Variants in SLC4A1AP observed in about 807,000 individuals in gnomAD.
SLC4A1AP encodes kanadaptin.
In SLC4A1AP, 64 loss-of-function variants were observed where a neutral mutation model predicts 89.7. That is an observed-to-expected ratio of 0.71 (90% CI 0.58 to 0.88). The LOEUF is 0.88. Ranked by LOEUF, SLC4A1AP falls within the 40% of genes least tolerant of loss-of-function variation. SLC4A1AP has a pLI of 0.00. For missense variants in SLC4A1AP, 931 were observed against 965.0 expected (o/e 0.96, Z 0.47); for synonymous variants, 366 against 353.3 (o/e 1.04, Z -0.40).
At chr2:27,677,440 A>G in intron 7 of SLC4A1AP, 76 bp downstream of exon 7, 1 of 974,116 alleles carries the variant, frequency 1.0e-6, no homozygotes, top group Non-Finnish European at 1.6e-6. Context: ...ACATTAGTTA[A>G]TAAGAAATAC....
chr2:27,663,972 T>G, exon 1 of SLC4A1AP: 1 of 1,614,190 alleles, frequency 6.2e-7, no homozygotes, highest in Non-Finnish European at 8.5e-7. Flanking sequence ...CAGTGGGGAC[T>G]TCAAGAAGCC....
intron 9 of SLC4A1AP, among the ~76,000 whole-genome samples, chr2:27,684,691 A>G (rs1449909699): frequency 2.0e-5 from 3 of 152,218 alleles, no homozygotes; most frequent in Admixed American, 6.5e-5. Context: ...TTTATTCCTT[A>G]GAAGATTTTG....
intron 5 of SLC4A1AP, among the ~76,000 whole-genome samples, chr2:27,670,467 T>A (rs1675403597): frequency 6.6e-6 from 1 of 152,166 alleles, no homozygotes; most frequent in African/African-American, 2.4e-5. Flanking sequence ...AAAAGGCTTA[T>A]AATAAAATAT....
chr2:27,664,386 GT>G lies in SLC4A1AP; in HGVS notation c.635del (p.Val212GlyfsTer76). The G allele has an allele frequency of 6.2e-7, 1 of 1,614,252 alleles. No homozygotes were observed. On this transcript the variant is annotated frameshift_variant, in exon 1 of 14. Coordinates refer to ENST00000613058, the Ensembl canonical transcript of SLC4A1AP. LOFTEE classifies it high-confidence loss of function. ...CCCTTCGGTGTCTCGGTACCACGCA[GT>G]GCTGCAGCACAGGGCGTCCGGCCCT...
Position 27,688,027 on chromosome 2 carries a change from A to G in SLC4A1AP, c.2203+7A>G. 1 of 1,612,322 alleles carries G rather than the reference A, an allele frequency of 6.2e-7. No individual in the cohort carries two copies. The highest frequency in any genetic ancestry group is 8.5e-7 in the Non-Finnish European group (1 of 1,178,422). On this transcript the variant is annotated splice_region_variant and intron_variant, in intron 11 of 13. Coordinates refer to ENST00000613058, the Ensembl canonical transcript of SLC4A1AP. ...TTGTGCGCAGGACCCTCAGGCAAGT[A>G]GTACGGCAGCCTTCATTGCTGCTCT...
At position 27,687,917 on chromosome 2, in the gene SLC4A1AP, G is replaced by A. The variant is rs985664081; in HGVS notation, c.2117-17G>A. On this transcript the variant is annotated splice_polypyrimidine_tract_variant and intron_variant, in intron 10 of 13. Coordinates refer to ENST00000613058, the Ensembl canonical transcript of SLC4A1AP. The stretch of plus-strand genomic sequence containing the variant: ...GAATTAAATCATGACAATATGATTT[G>A]ATATTGCTTTTTATAGAAAACATGT... The A allele has an allele frequency of 1.3e-6, 2 of 1,578,506 alleles. No individual in the cohort carries two copies. Among genetic ancestry groups the A allele is most frequent in the Non-Finnish European group, 1.7e-6 (2 of 1,148,850 alleles).
chr2:27,666,240 T>C (rs1675316784), intron 2 of SLC4A1AP, among the ~76,000 whole-genome samples: 2 of 151,866 alleles, frequency 1.3e-5, no homozygotes, highest in Admixed American at 6.5e-5. Flanking sequence ...ATTATATTTC[T>C]GTTGGACAGC....
chr2:27,680,422 C>G (rs913155845), intron 8 of SLC4A1AP, among the ~76,000 whole-genome samples: 4 of 152,106 alleles, frequency 2.6e-5, no homozygotes, highest in African/African-American at 2.4e-5. Context: ...AGTTGCAGTT[C>G]TAGTTCTAAA....
At chr2:27,677,587 G>T in intron 7 of SLC4A1AP, 151 bp from the exon 8 acceptor site, 1 of 689,838 alleles carries the variant, frequency 1.4e-6, no homozygotes. Context: ...GACTTCCCAA[G>T]GTCTCATGGC....
intron 2 of SLC4A1AP, among the ~76,000 whole-genome samples, chr2:27,666,875 T>TGA (rs1675337717): frequency 6.8e-6 from 1 of 147,738 alleles, no homozygotes; most frequent in Admixed American, 6.8e-5. Context: ...ATATATATTT[T>TGA]TTTTTTTTTG....
At position 27,676,227 on chromosome 2, in the gene SLC4A1AP, G is replaced by A. The variant is rs1675519958; in HGVS notation, c.1506+535G>A. ...CAGAGCTTGACCAGAATATGGAGAAGTAGACTCTCAATTGGTGGGAATGTA... is the reference window on the plus strand; with the variant it reads ...CAGAGCTTGACCAGAATATGGAGAAATAGACTCTCAATTGGTGGGAATGTA... On this transcript the variant is annotated intron_variant, in intron 6 of 13. Transcript: ENST00000613058. Among the ~76,000 whole-genome samples, 3 of 152,298 alleles carry A rather than the reference G, an allele frequency of 2.0e-5. No individual in the cohort carries two copies. The South Asian group carries it at 6.2e-4, about 32-fold the overall frequency.
chr2:27,678,355 C>T (rs1469155857), intron 8 of SLC4A1AP, among the ~76,000 whole-genome samples: 1 of 151,982 alleles, frequency 6.6e-6, no homozygotes, highest in Non-Finnish European at 1.5e-5. Flanking sequence ...TGATATGGCA[C>T]AACCCTATCT....
intron 5 of SLC4A1AP, among the ~76,000 whole-genome samples, chr2:27,672,097 A>G (rs992854077): frequency 6.6e-6 from 1 of 152,080 alleles, no homozygotes; most frequent in East Asian, 1.9e-4. Flanking sequence ...CCTTTGTTCT[A>G]AAGGTTCTAA....
chr2:27,669,121 A>G, intron 4 of SLC4A1AP, 127 bp from the exon 5 acceptor site: 2 of 1,120,038 alleles, frequency 1.8e-6, no homozygotes, highest in African/African-American at 1.6e-5. Flanking sequence ...TTGGAAAGAT[A>G]GAACAAGATG....
chr2:27,664,151 G>C (rs757160912), exon 1 of SLC4A1AP: 1 of 1,614,172 alleles, frequency 6.2e-7, no homozygotes, highest in South Asian at 1.1e-5. Flanking sequence ...GTCTACAGGA[G>C]GAGCAGTCGC....
chr2:27,689,006 C>G, intron 12 of SLC4A1AP, among the ~76,000 whole-genome samples: 1 of 152,118 alleles, frequency 6.6e-6, no homozygotes, highest in Admixed American at 6.5e-5. Flanking sequence ...TTCTTTATAT[C>G]CTAATTTGCC....
chr2:27,689,393 A>G (rs1675753979), intron 12 of SLC4A1AP, among the ~76,000 whole-genome samples: 1 of 152,182 alleles, frequency 6.6e-6, no homozygotes, highest in South Asian at 2.1e-4. Context: ...GTCTCAGCGT[A>G]TGATTGTACT....
At chr2:27,686,846 G>C (rs1046765487) in intron 10 of SLC4A1AP, among the ~76,000 whole-genome samples, 18 of 152,140 alleles carry the variant, frequency 1.2e-4, no homozygotes, top group African/African-American at 4.1e-4. Context: ...CTTTTTTCCT[G>C]TGGTTTGTTT....
chr2:27,673,671 T>A (rs573321086), intron 5 of SLC4A1AP, among the ~76,000 whole-genome samples: 1 of 152,284 alleles, frequency 6.6e-6, no homozygotes, highest in Non-Finnish European at 1.5e-5. Context: ...GGTCTTGCTA[T>A]GTTGCCCAGG....
Sources: gnomAD v4.1 joint callset for allele counts (sites outside exome capture counted in the v4.1 genomes callset) on GRCh38, gnomAD v4.1.1 for gene constraint, MANE v1.5 for transcripts, NCBI Gene and HGNC (gene_info 2026-07-23, HGNC 2026-07-21) for gene names.